ACSS3: variants seen among roughly 807,000 people sequenced by gnomAD.
ACSS3 encodes acyl-CoA synthetase short-chain family member 3, mitochondrial.
In ACSS3, 64 loss-of-function variants were observed where a neutral mutation model predicts 84.2. The observed-to-expected ratio is 0.76, with a 90% CI of 0.62 to 0.94. The LOEUF is 0.94. ACSS3 is among the 40% of genes least tolerant of loss of function. The pLI is 0.00. For synonymous variants in ACSS3, 317 were observed against 310.1 expected, an observed-to-expected ratio of 1.02 and a Z score of -0.23; for missense variants, 815 against 867.6, an observed-to-expected ratio of 0.94 and a Z score of 0.76.
At chr12:81,173,942 G>GATAT (rs10540824) in intron 7 of ACSS3, among the ~76,000 whole-genome samples, 2 of 150,760 alleles carry the variant, frequency 1.3e-5, no homozygotes, top group African/African-American at 4.9e-5. Context: ...ACGGATTTTG[G>GATAT]ATATATATAT....
intron 5 of ACSS3, among the ~76,000 whole-genome samples, chr12:81,147,878 C>T (rs950552687): frequency 2.0e-5 from 3 of 151,822 alleles, no homozygotes; most frequent in Non-Finnish European, 2.9e-5. Context: ...CACACACACA[C>T]ACACACACAA....
chr12:81,143,569 A>C (rs1448359666), intron 5 of ACSS3: 1 of 158,562 alleles, frequency 6.3e-6, no homozygotes, highest in East Asian at 1.8e-4. Context: ...GTAGATGTTT[A>C]ATTGAATATC....
At chr12:81,252,561 G>GA (rs929638467) in intron 13 of ACSS3, among the ~76,000 whole-genome samples, 3 of 151,476 alleles carry the variant, frequency 2.0e-5, no homozygotes, top group Non-Finnish European at 4.4e-5. Context: ...TAATCTTTCA[G>GA]AAAAAAAATT....
chr12:81,237,758 T>A (rs2033673239), intron 13 of ACSS3, among the ~76,000 whole-genome samples: 1 of 151,752 alleles, frequency 6.6e-6, no homozygotes, highest in Non-Finnish European at 1.5e-5. Flanking sequence ...ATATATACGA[T>A]CAGGTTGTTT....
chr12:81,112,507 C>G (rs1883686564), intron 2 of ACSS3, among the ~76,000 whole-genome samples: 4 of 152,150 alleles, frequency 2.6e-5, no homozygotes, highest in Admixed American at 2.6e-4. Context: ...TGTGTTTGTG[C>G]TGGTTCCCTG....
intron 7 of ACSS3, among the ~76,000 whole-genome samples, chr12:81,156,812 A>T (rs371863166): frequency 6.6e-6 from 1 of 152,216 alleles, no homozygotes; most frequent in Non-Finnish European, 1.5e-5. Flanking sequence ...TAGACTCCCA[A>T]CAAGAAATCT....
At chr12:81,231,305 C>T (rs1269506993) in intron 12 of ACSS3, among the ~76,000 whole-genome samples, 167 bp downstream of exon 12, 3 of 151,826 alleles carry the variant, frequency 2.0e-5, no homozygotes, top group Admixed American at 2.0e-4. Flanking sequence ...TCATAATTAT[C>T]TAAATACGTC....
At chr12:81,164,779 T>A (rs2135792612) in intron 7 of ACSS3, among the ~76,000 whole-genome samples, 1 of 152,336 alleles carries the variant, frequency 6.6e-6, no homozygotes, top group Admixed American at 6.5e-5. Context: ...GCAAGAATTT[T>A]GTATTTTTAT....
intron 1 of ACSS3, among the ~76,000 whole-genome samples, chr12:81,099,913 GACAGGCTCCCTACC>G (rs1457440244): frequency 2.2e-4 from 34 of 152,100 alleles, no homozygotes; most frequent in Non-Finnish European, 4.4e-4. Flanking sequence ...GACCATGGAG[GACAGGCTCCCTACC>G]TCTTAAAAAC....
At chr12:81,101,687 T>G (rs1882522200) in intron 1 of ACSS3, among the ~76,000 whole-genome samples, 1 of 152,106 alleles carries the variant, frequency 6.6e-6, no homozygotes, top group Non-Finnish European at 1.5e-5. Context: ...CTGAACAAAT[T>G]TATTTGCTCA....
At chr12:81,146,164 T>C (rs1242571546) in intron 5 of ACSS3, among the ~76,000 whole-genome samples, 2 of 152,162 alleles carry the variant, frequency 1.3e-5, no homozygotes, top group African/African-American at 4.8e-5. Context: ...CATTATCCTT[T>C]TTGGATCCAC....
At chr12:81,177,115 A>G (rs2030543755) in intron 8 of ACSS3, among the ~76,000 whole-genome samples, 1 of 152,224 alleles carries the variant, frequency 6.6e-6, no homozygotes, top group Non-Finnish European at 1.5e-5. Context: ...AAAATTTAGT[A>G]TCCCTTCATT....
rs1403415163 is a variant in ACSS3, at chr12:81,107,511, C to CACACAT, written c.312-2048_312-2047insCACATA. The stretch of plus-strand genomic sequence containing the variant: ...TTTTTTTTTCAGGTACAAATATATA[C>CACACAT]ATATATATATATATATATATATATA... On this transcript the variant is annotated intron_variant, in intron 1 of 15. Coordinates refer to ENST00000548058, the MANE Select transcript of ACSS3 (RefSeq NM_024560.4). 2.5e-3 allele frequency among the ~76,000 whole-genome samples: 98 copies of CACACAT among 38,828 alleles called. 2 individuals are homozygous for CACACAT. The highest frequency in any genetic ancestry group is 0.015 in the South Asian group (12 of 782). 25.5% of individuals were successfully genotyped at this position (38,828 alleles called of 152,430 possible).
chr12:81,078,202 C>T lies in ACSS3; in HGVS notation c.82C>T (p.Arg28Trp), dbSNP rs771920199. ...GCCCTTGCCTGGGTCCTCTCCGGCC[C>T]GGGGAGCCGGTGCGGCCCTCAGGGC... ...GGPLPGSSPA[R>W]GAGAALRALV... The change falls in exon 1 of 16, where the codon CGG becomes TGG. Residue 28 changes from arginine (R) to tryptophan (W), a missense_variant. Transcript: ENST00000548058. 19 of 1,563,972 alleles carry T rather than the reference C, an allele frequency of 1.2e-5. No homozygotes were observed. Among genetic ancestry groups the T allele is most frequent in the South Asian group, 8.0e-5 (7 of 87,470 alleles).
rs2034358745 is a variant in ACSS3, at chr12:81,257,730, T to A, written c.*2808T>A. The stretch of plus-strand genomic sequence containing the variant: ...ACATTAAAAATGTGAAAATTTATAA[T>A]GTTGATGATCAAAAGTAACGTGTTG... On this transcript the variant is annotated 3_prime_UTR_variant, in exon 16 of 16. Coordinates refer to ENST00000548058, the MANE Select transcript of ACSS3 (RefSeq NM_024560.4). The A allele has an allele frequency of 6.6e-6, 1 of 152,128 alleles. No individual in the cohort carries two copies. Among genetic ancestry groups the A allele is most frequent in the South Asian group, 2.1e-4 (1 of 4,834 alleles). The allele number at this position is 152,128 out of a possible 1,614,324, so 9.4% of individuals were successfully genotyped here.
intron 3 of ACSS3, among the ~76,000 whole-genome samples, chr12:81,135,749 A>T (rs1445920169): frequency 6.6e-6 from 1 of 152,090 alleles, no homozygotes; most frequent in Admixed American, 6.6e-5. Flanking sequence ...CAAGTACCCT[A>T]AAAGTCCAGA....
chr12:81,122,526 T>C (rs1037444987), intron 2 of ACSS3, among the ~76,000 whole-genome samples: 6 of 152,186 alleles, frequency 3.9e-5, no homozygotes, highest in African/African-American at 1.4e-4. Flanking sequence ...TAAACAAATA[T>C]GTGAGGCAAT....
intron 1 of ACSS3, among the ~76,000 whole-genome samples, chr12:81,086,895 A>G (rs1279699070): frequency 6.6e-6 from 1 of 152,214 alleles, no homozygotes; most frequent in Non-Finnish European, 1.5e-5. Flanking sequence ...TACAGTTTCA[A>G]GTATATGTGA....
chr12:81,141,698 T>C (rs1350510699), intron 4 of ACSS3, among the ~76,000 whole-genome samples: 1 of 152,224 alleles, frequency 6.6e-6, no homozygotes, highest in African/African-American at 2.4e-5. Context: ...CTCAATTTGA[T>C]GTTTGTATTT....
Sources: allele counts gnomAD v4.1 joint callset (sites outside exome capture counted in the v4.1 genomes callset), GRCh38; gene constraint gnomAD v4.1.1; transcripts MANE v1.5; gene names NCBI Gene and HGNC (gene_info 2026-07-23, HGNC 2026-07-21).